ANKRD45: variants seen among roughly 807,000 people sequenced by gnomAD.
The protein encoded by ANKRD45 is ankyrin repeat domain 45, also known as ankyrin repeat domain-containing protein 45.
A neutral mutation model predicts 28.1 loss-of-function variants in ANKRD45; 21 were observed. That is an observed-to-expected ratio of 0.75 (90% CI 0.53 to 1.08). The LOEUF (loss-of-function observed/expected upper bound fraction) is 1.08. ANKRD45 is among the 50% of genes least tolerant of loss of function. ANKRD45 has a pLI of 0.00. For missense variants in ANKRD45, 261 were observed against 308.7 expected (o/e 0.85, Z 1.16); for synonymous variants, 86 against 103.9 (o/e 0.83, Z 1.05).
intron 5 of ANKRD45, among the ~76,000 whole-genome samples, chr1:173,612,432 C>A (rs1397652068): frequency 6.6e-6 from 1 of 152,050 alleles, no homozygotes; most frequent in Non-Finnish European, 1.5e-5. Context: ...ATAGATATTT[C>A]TCCAGAGAAA....
intron 5 of ANKRD45, among the ~76,000 whole-genome samples, chr1:173,613,519 CCG>C (rs1667299070): frequency 1.3e-5 from 2 of 148,970 alleles, no homozygotes; most frequent in African/African-American, 4.9e-5. Flanking sequence ...GGCTCAGCCC[CCG>C]CCCGGCCAGC....
the ANKRD45 span, among the ~76,000 whole-genome samples, chr1:173,692,089 G>A: frequency 9.2e-5 from 14 of 152,290 alleles, no homozygotes; most frequent in Non-Finnish European, 1.8e-4. Context: ...CAGATGATCA[G>A]AATGAGTTAG....
At chr1:173,619,588 G>C (rs1451863765) in intron 5 of ANKRD45, among the ~76,000 whole-genome samples, 1 of 152,190 alleles carries the variant, frequency 6.6e-6, no homozygotes, top group Non-Finnish European at 1.5e-5. Context: ...AGTACTTTGA[G>C]AGGCCAACAT....
At chr1:173,632,243 A>T (rs1416652242) in intron 3 of ANKRD45, among the ~76,000 whole-genome samples, 1 of 152,032 alleles carries the variant, frequency 6.6e-6, no homozygotes, top group African/African-American at 2.4e-5. Context: ...ACTTAAGATA[A>T]ATGGATAAAG....
chr1:173,647,120 G>C, intron 2 of ANKRD45, 107 bp from the exon 3 acceptor site: 2 of 1,076,994 alleles, frequency 1.9e-6, no homozygotes, highest in South Asian at 3.8e-5. Flanking sequence ...AATTACTGTG[G>C]GCCAGGCACT....
the ANKRD45 span, among the ~76,000 whole-genome samples, chr1:173,714,048 T>C: frequency 6.6e-6 from 1 of 152,164 alleles, no homozygotes; most frequent in Admixed American, 6.5e-5. Flanking sequence ...ACAAGAGGTA[T>C]CCTTTCCCCT....
intron 1 of ANKRD45, among the ~76,000 whole-genome samples, chr1:173,663,275 C>G (rs373093613): frequency 6.6e-6 from 1 of 152,144 alleles, no homozygotes; most frequent in Admixed American, 6.6e-5. Context: ...GAATCTTGAA[C>G]AAGGGACACA....
At chr1:173,703,852 C>T in the ANKRD45 span, among the ~76,000 whole-genome samples, 1 of 152,240 alleles carries the variant, frequency 6.6e-6, no homozygotes, top group African/African-American at 2.4e-5. Flanking sequence ...AGGGAAAGTA[C>T]TTATGTAACA....
upstream of ANKRD45, among the ~76,000 whole-genome samples, chr1:173,671,881 CAAAA>C (rs1174957908): frequency 2.2e-5 from 2 of 92,710 alleles, no homozygotes. Context: ...GACTCCGTCT[CAAAA>C]AAAAAAAAAA....
At chr1:173,614,386 A>G (rs538128209) in intron 5 of ANKRD45, among the ~76,000 whole-genome samples, 55 of 152,372 alleles carry the variant, frequency 3.6e-4, no homozygotes, top group African/African-American at 1.3e-3. Flanking sequence ...ATTTTGTATA[A>G]CTATCTCTGA....
At chr1:173,676,859 A>G in the ANKRD45 span, among the ~76,000 whole-genome samples, 7 of 148,154 alleles carry the variant, frequency 4.7e-5, no homozygotes, top group African/African-American at 1.7e-4. Context: ...AAAAAGAATT[A>G]TAGGAGTTTC....
At chr1:173,619,509 A>G (rs537331690) in intron 5 of ANKRD45, among the ~76,000 whole-genome samples, 11 of 152,300 alleles carry the variant, frequency 7.2e-5, no homozygotes, top group African/African-American at 2.6e-4. Flanking sequence ...GACAAAACAG[A>G]CTTTAAACCA....
chr1:173,613,562 G>GC (rs1281895834), intron 5 of ANKRD45, among the ~76,000 whole-genome samples: 1,772 of 105,704 alleles, frequency 0.017, 244 homozygotes, highest in African/African-American at 0.1. Flanking sequence ...TGGGGGGTCA[G>GC]CCCCCCCCCC....
At chr1:173,653,123 T>G (rs1263704893) in intron 2 of ANKRD45, among the ~76,000 whole-genome samples, 1 of 152,222 alleles carries the variant, frequency 6.6e-6, no homozygotes, top group Non-Finnish European at 1.5e-5. Context: ...CCTTAGTTAT[T>G]TCTTGCCTTC....
In ANKRD45 at chr1:173,647,962, T is replaced by A. The variant is rs190384755; in HGVS notation, c.329-949A>T. On this transcript the variant is annotated intron_variant, in intron 2 of 5. Transcript: ENST00000333279. The stretch of plus-strand genomic sequence containing the variant: ...GCATGCCCAGATATTTTTTTTTTTT[T>A]AGATGGAGTCTTTCGCTGTTGCCAG... Among the ~76,000 whole-genome samples, 251 of 152,052 alleles carry A rather than the reference T, an allele frequency of 1.7e-3. 1 individual carries two copies. Among genetic ancestry groups the A allele is most frequent in the African/African-American group, 5.6e-3 (233 of 41,486 alleles).
chr1:173,616,202 A>G (rs935887085), intron 5 of ANKRD45, among the ~76,000 whole-genome samples: 8 of 152,222 alleles, frequency 5.3e-5, no homozygotes, highest in Admixed American at 2.0e-4. Flanking sequence ...ATGGATGGAC[A>G]TTAAAAATAT....
At chr1:173,651,378 G>T (rs1669212305) in intron 2 of ANKRD45, among the ~76,000 whole-genome samples, 1 of 152,028 alleles carries the variant, frequency 6.6e-6, no homozygotes, top group African/African-American at 2.4e-5. Flanking sequence ...GTTTTTGTCG[G>T]GTTTGTCAAA....
At chr1:173,670,048 T>C (rs928150904), upstream of ANKRD45, among the ~76,000 whole-genome samples, 1 of 152,268 alleles carries the variant, frequency 6.6e-6, no homozygotes, top group Non-Finnish European at 1.5e-5. Context: ...TGTTTTACAG[T>C]TTAAAAATAA....
At chr1:173,659,036 ATTGCATCT>A in intron 2 of ANKRD45, 47 bp downstream of exon 2, 2 of 1,570,096 alleles carry the variant, frequency 1.3e-6, no homozygotes. Flanking sequence ...AAGATATTAC[ATTGCATCT>A]TTAGGTAGTC....
Sources: gnomAD v4.1 joint callset for allele counts (sites outside exome capture counted in the v4.1 genomes callset) on GRCh38, gnomAD v4.1.1 for gene constraint, MANE v1.5 for transcripts, NCBI Gene and HGNC (gene_info 2026-07-23, HGNC 2026-07-21) for gene names.